FSTL4: variants seen among roughly 807,000 people sequenced by gnomAD.
FSTL4 encodes follistatin-related protein 4.
FSTL4 carries 28 observed loss-of-function variants against 78.2 expected under a neutral mutation model. The ratio of observed to expected loss-of-function variants is 0.36; its 90% CI spans 0.27 to 0.49. The LOEUF (loss-of-function observed/expected upper bound fraction) is 0.49. FSTL4 is among the 20% of genes least tolerant of loss of function. The pLI is 0.98. For synonymous variants in FSTL4, 422 were observed against 440.5 expected, an observed-to-expected ratio of 0.96 and a Z score of 0.53; for missense variants, 922 against 1,084.9, an observed-to-expected ratio of 0.85 and a Z score of 2.11.
chr5:133,699,471 A>G, the FSTL4 span, among the ~76,000 whole-genome samples: 1 of 151,872 alleles, frequency 6.6e-6, no homozygotes, highest in Non-Finnish European at 1.5e-5. Flanking sequence ...CTGCTCTACG[A>G]GGTTGGTGTT....
intron 4 of FSTL4, among the ~76,000 whole-genome samples, chr5:133,382,147 G>A (rs943633742): frequency 2.6e-5 from 4 of 152,162 alleles, no homozygotes; most frequent in African/African-American, 7.2e-5. Context: ...ACCCTCTCAC[G>A]GAGGAGGTTT....
chr5:133,379,170 T>A (rs1032977817), intron 4 of FSTL4, among the ~76,000 whole-genome samples: 1 of 152,074 alleles, frequency 6.6e-6, no homozygotes, highest in East Asian at 1.9e-4. Context: ...AGGTGTTATA[T>A]AAACAGATAA....
At chr5:133,594,233 C>T (rs1760695118) in intron 2 of FSTL4, among the ~76,000 whole-genome samples, 1 of 152,178 alleles carries the variant, frequency 6.6e-6, no homozygotes, top group South Asian at 2.1e-4. Flanking sequence ...CTCTGTTGCC[C>T]AGGCTGGAGT....
At chr5:133,825,655 C>G in the FSTL4 span, among the ~76,000 whole-genome samples, 1 of 152,236 alleles carries the variant, frequency 6.6e-6, no homozygotes, top group Non-Finnish European at 1.5e-5. Flanking sequence ...GGGGCATGGC[C>G]CTCACCAGTA....
chr5:133,581,076 C>T (rs1026954421), intron 2 of FSTL4, among the ~76,000 whole-genome samples: 10 of 152,186 alleles, frequency 6.6e-5, no homozygotes, highest in Admixed American at 2.6e-4. Context: ...CCCATACACA[C>T]TTTGATTAGA....
intron 3 of FSTL4, among the ~76,000 whole-genome samples, chr5:133,530,621 T>G (rs1350091836): frequency 6.6e-6 from 1 of 152,150 alleles, no homozygotes; most frequent in Non-Finnish European, 1.5e-5. Context: ...GGAGAACATA[T>G]GAGTTTAGCT....
At chr5:133,761,539 C>A in the FSTL4 span, among the ~76,000 whole-genome samples, 1 of 152,176 alleles carries the variant, frequency 6.6e-6, no homozygotes, top group Non-Finnish European at 1.5e-5. Flanking sequence ...AGATTCCCAA[C>A]AATCGTTTGC....
Position 133,440,069 on chromosome 5 carries a change from G to A in FSTL4, c.161-39083C>T, listed in dbSNP as rs1757119854. ...GGTGGGGGACATGCTGGGGTCGGGA[G>A]GAAGGAAAGGAAGAGTCACCCTGGA... is the stretch of plus-strand genomic sequence containing the variant. On this transcript the variant is annotated intron_variant, in intron 3 of 15. Coordinates refer to ENST00000265342, the MANE Select transcript of FSTL4 (RefSeq NM_015082.2). The surrounding 1 kb of genome is among the most constrained non-coding windows in gnomAD (Gnocchi z 4.1). 1.3e-5 allele frequency among the ~76,000 whole-genome samples: 2 copies of A among 152,150 alleles called. No individual in the cohort carries two copies. Among genetic ancestry groups the A allele is most frequent in the Admixed American group, 1.3e-4 (2 of 15,286 alleles).
Position 133,508,312 on chromosome 5 carries a change from A to C in FSTL4, c.160+58874T>G, listed in dbSNP as rs921295887. 3.3e-5 allele frequency among the ~76,000 whole-genome samples: 5 copies of C among 152,304 alleles called. No homozygotes were observed. In the East Asian group the frequency reaches 7.7e-4, roughly 24 times the overall value. On this transcript the variant is annotated intron_variant, in intron 3 of 15. Coordinates refer to ENST00000265342, the MANE Select transcript of FSTL4 (RefSeq NM_015082.2). ...ATCATCTTAAATTGCAAGGATTCTA[A>C]AATAGCCCTTTCCTTTGAGGTCAGG... is the stretch of plus-strand genomic sequence containing the variant.
chr5:133,245,088 C>T (rs1000315726), intron 7 of FSTL4, among the ~76,000 whole-genome samples: 2 of 149,664 alleles, frequency 1.3e-5, no homozygotes, highest in Admixed American at 1.3e-4. Flanking sequence ...CCACTGTGCT[C>T]CAGTCTGGGT....
the FSTL4 span, among the ~76,000 whole-genome samples, chr5:133,778,681 T>G: frequency 1.3e-5 from 2 of 152,250 alleles, 1 homozygote; most frequent in South Asian, 4.2e-4. Flanking sequence ...ACCTTTCACA[T>G]CCCAGGCAAA....
At position 133,596,903 on chromosome 5, in the gene FSTL4, T is replaced by A. The variant is rs77750478; in HGVS notation, c.126+6955A>T. Among the ~76,000 whole-genome samples, 137 of 152,340 alleles carry A rather than the reference T, an allele frequency of 9.0e-4. 2 individuals are homozygous for A. The highest frequency in any genetic ancestry group is 3.1e-3 in the African/African-American group (128 of 41,584). On this transcript the variant is annotated intron_variant, in intron 2 of 15. Transcript: ENST00000265342. ...TGATTTTTATTAGGAGGAAAGACAT[T>A]GGGTTTCTCTTGTTCCAGACCTTCC...
chr5:133,322,233 A>C (rs1441134384), intron 4 of FSTL4, among the ~76,000 whole-genome samples: 1 of 115,110 alleles, frequency 8.7e-6, no homozygotes, highest in Non-Finnish European at 1.7e-5. Context: ...ACCCACACAC[A>C]CACACACCCC....
chr5:133,387,178 G>A (rs1755719636), intron 4 of FSTL4, among the ~76,000 whole-genome samples: 1 of 152,154 alleles, frequency 6.6e-6, no homozygotes, highest in Admixed American at 6.5e-5. Context: ...TCCAGGTTCA[G>A]GTCAAGCCCC....
At chr5:133,637,904 G>A in the FSTL4 span, among the ~76,000 whole-genome samples, 2,423 of 151,554 alleles carry the variant, frequency 0.016, 66 homozygotes, top group African/African-American at 0.056. Flanking sequence ...TTGTGCCACT[G>A]CACTCCAGCC....
At chr5:133,748,789 G>C in the FSTL4 span, among the ~76,000 whole-genome samples, 6 of 152,112 alleles carry the variant, frequency 3.9e-5, no homozygotes, top group Non-Finnish European at 8.8e-5. Flanking sequence ...TTCCTAAGGT[G>C]GGGGCAGCAG....
At chr5:133,687,739 G>A in the FSTL4 span, among the ~76,000 whole-genome samples, 1 of 152,220 alleles carries the variant, frequency 6.6e-6, no homozygotes, top group African/African-American at 2.4e-5. Flanking sequence ...AGATGTGGCT[G>A]CTATGAATAG....
rs117619361 is a variant in FSTL4, at chr5:133,593,418, G to A, written c.126+10440C>T. 1.7e-3 allele frequency among the ~76,000 whole-genome samples: 253 copies of A among 152,176 alleles called. 6 individuals carry two copies. In the East Asian group the frequency reaches 0.043, roughly 26 times the overall value. ...GTTTTGGGAGGGAGTGTTGAAGGAC[G>A]GTAAAGGAGGGGGCTGGTGGAGGTT... is the stretch of plus-strand genomic sequence containing the variant. On this transcript the variant is annotated intron_variant, in intron 2 of 15. Transcript: ENST00000265342.
At chr5:133,349,341 C>CCAT (rs2126924731) in intron 4 of FSTL4, among the ~76,000 whole-genome samples, 1 of 122,106 alleles carries the variant, frequency 8.2e-6, no homozygotes, top group African/African-American at 3.0e-5. Context: ...GTGTGTTTCT[C>CCAT]CATGTGTCCT....
Sources: allele counts gnomAD v4.1 joint callset (sites outside exome capture counted in the v4.1 genomes callset), GRCh38; gene constraint gnomAD v4.1.1; non-coding constraint Gnocchi (gnomAD v3.1); transcripts MANE v1.5; gene names NCBI Gene and HGNC (gene_info 2026-07-23, HGNC 2026-07-21).